DTD1: variants seen among roughly 807,000 people sequenced by gnomAD.
DTD1 encodes the protein D-aminoacyl-tRNA deacylase 1.
Under a neutral mutation model 25.6 loss-of-function variants are expected in DTD1, and 13 were observed. The observed-to-expected ratio is 0.51, with a 90% CI of 0.33 to 0.81. The LOEUF (loss-of-function observed/expected upper bound fraction) is 0.81, where lower values mean the gene tolerates loss of function less well. Ranked by LOEUF, DTD1 falls within the 30% of genes least tolerant of loss-of-function variation. The pLI is 0.02. For synonymous variants in DTD1, 110 were observed against 103.6 expected (o/e 1.06, Z -0.37); for missense variants, 193 against 266.4 (o/e 0.72, Z 1.92).
Position 18,695,938 on chromosome 20 carries a change from A to G in DTD1, c.478-48162A>G, listed in dbSNP as rs190636885. On this transcript the variant is annotated intron_variant, in intron 4 of 5. Transcript: ENST00000377452. The stretch of plus-strand genomic sequence containing the variant: ...AGAAATTCACCTGCCTCAGCCCCTC[A>G]AAGCGCTGGGATTATAGGCGTGAGC... 3.9e-3 allele frequency among the ~76,000 whole-genome samples: 586 copies of G among 152,140 alleles called. 6 individuals are homozygous for G. The highest frequency in any genetic ancestry group is 0.013 in the African/African-American group (553 of 41,534).
At chr20:18,640,051 AT>A (rs11087260) in intron 4 of DTD1, among the ~76,000 whole-genome samples, 70,126 of 145,310 alleles carry the variant, frequency 0.48, 16,803 homozygotes, top group Middle Eastern at 0.55. Flanking sequence ...TGCTCTGAGG[AT>A]TTTTTTTTTT....
intron 5 of DTD1, among the ~76,000 whole-genome samples, chr20:18,757,980 TC>T (rs2061346121): frequency 6.6e-6 from 1 of 152,254 alleles, no homozygotes; most frequent in Admixed American, 6.5e-5. Flanking sequence ...AGATTCAACT[TC>T]CTCCTGGTTT....
intron 4 of DTD1, among the ~76,000 whole-genome samples, chr20:18,736,303 C>G (rs1382693510): frequency 6.6e-6 from 1 of 152,176 alleles, no homozygotes; most frequent in African/African-American, 2.4e-5. Context: ...GTCTGATTTT[C>G]CCCTGGAGTG....
intron 5 of DTD1, among the ~76,000 whole-genome samples, chr20:18,758,558 C>A (rs184958251): frequency 8.7e-4 from 132 of 152,282 alleles, no homozygotes; most frequent in Non-Finnish European, 1.6e-3. Flanking sequence ...GCAGGTTGTT[C>A]AGTTTCCATG....
chr20:18,638,170 CCCATCCATCCATCCATCCATCCAT>C (rs55689427), intron 4 of DTD1, among the ~76,000 whole-genome samples: 74,666 of 150,432 alleles, frequency 0.5, 18,776 homozygotes, highest in Non-Finnish European at 0.53. Flanking sequence ...CCTCCATCTG[CCCATCCATCCATCCATCCATCCAT>C]CCATCCATCC....
chr20:18,680,639 C>T (rs1234454157), intron 4 of DTD1, among the ~76,000 whole-genome samples: 4 of 152,020 alleles, frequency 2.6e-5, no homozygotes, highest in African/African-American at 9.7e-5. Flanking sequence ...GAGTGTGGCT[C>T]CTGATTCCAA....
chr20:18,673,753 G>A (rs968777209), intron 4 of DTD1, among the ~76,000 whole-genome samples: 3 of 152,136 alleles, frequency 2.0e-5, no homozygotes, highest in African/African-American at 7.2e-5. Context: ...GGCCTAGAGT[G>A]TGTTTCAGCC....
chr20:18,730,183 G>C (rs1420833547), intron 4 of DTD1, among the ~76,000 whole-genome samples: 3 of 152,108 alleles, frequency 2.0e-5, no homozygotes, highest in African/African-American at 4.8e-5. Context: ...TACAGAATAT[G>C]TCATAGTTTA....
chr20:18,591,904 G>A (rs1055844804), intron 1 of DTD1, among the ~76,000 whole-genome samples: 3 of 152,098 alleles, frequency 2.0e-5, no homozygotes, highest in Non-Finnish European at 4.4e-5. Flanking sequence ...AGGACAATAA[G>A]TCACACACAC....
At position 18,594,277 on chromosome 20, in the gene DTD1, G is replaced by A. The variant is rs114030910; in HGVS notation, c.134+456G>A. On this transcript the variant is annotated intron_variant, in intron 2 of 5. Coordinates refer to ENST00000377452, the MANE Select transcript of DTD1 (RefSeq NM_080820.6). ...CACTTAGCAAAAAGCCTGAACCCCA[G>A]TTAGAGTCTGGGCTCCCTGACCTTG... Among the ~76,000 whole-genome samples, 529 of 152,270 alleles carry A rather than the reference G, an allele frequency of 3.5e-3. 1 individual carries two copies. Among genetic ancestry groups the A allele is most frequent in the African/African-American group, 0.012 (487 of 41,564 alleles).
intron 3 of DTD1, among the ~76,000 whole-genome samples, chr20:18,598,097 A>G (rs564051974): frequency 6.6e-6 from 1 of 152,274 alleles, no homozygotes; most frequent in East Asian, 1.9e-4. Flanking sequence ...TGCTGCATCC[A>G]TCCACCCGTC....
chr20:18,601,932 T>C (rs2060637015), intron 3 of DTD1, among the ~76,000 whole-genome samples: 1 of 149,326 alleles, frequency 6.7e-6, no homozygotes, highest in Non-Finnish European at 1.5e-5. Flanking sequence ...GAGAATGACT[T>C]TGACGAGCTG....
At chr20:18,629,317 T>TTTTC (rs1195448366) in intron 4 of DTD1, among the ~76,000 whole-genome samples, 1 of 145,766 alleles carries the variant, frequency 6.9e-6, no homozygotes, top group Admixed American at 6.9e-5. Flanking sequence ...TTTTTTTTTT[T>TTTTC]TGAGACAGGG....
At position 18,671,775 on chromosome 20, in the gene DTD1, C is replaced by G. The variant is rs141894802; in HGVS notation, c.477+43542C>G. ...AGCAGCCCCCTTGGTCCTCACCAGA[C>G]CTGGGCCTGGAGAGAGAAGTGAGGT... On this transcript the variant is annotated intron_variant, in intron 4 of 5. Coordinates refer to ENST00000377452, the MANE Select transcript of DTD1 (RefSeq NM_080820.6). Among the ~76,000 whole-genome samples the G allele has an allele frequency of 4.4e-3, 668 of 152,260 alleles. 6 individuals are homozygous for G. The highest frequency in any genetic ancestry group is 0.015 in the African/African-American group (643 of 41,552).
intron 4 of DTD1, among the ~76,000 whole-genome samples, chr20:18,685,896 G>T (rs2061014837): frequency 6.6e-6 from 1 of 152,200 alleles, no homozygotes; most frequent in African/African-American, 2.4e-5. Flanking sequence ...CCAAGTCATG[G>T]TTTTTCTTTT....
rs1296063535 is a variant in DTD1 at position 18,764,654 on chromosome 20, A to G, written c.*1314A>G. 6.6e-6 allele frequency: 1 copy of G among 152,198 alleles called. No individual in the cohort carries two copies. The highest frequency in any genetic ancestry group is 1.5e-5 in the Non-Finnish European group (1 of 68,040). The allele number at this position is 152,198 out of a possible 1,614,324, so 9.4% of individuals were successfully genotyped here. On this transcript the variant is annotated 3_prime_UTR_variant, in exon 6 of 6. Coordinates refer to ENST00000377452, the MANE Select transcript of DTD1 (RefSeq NM_080820.6). The stretch of plus-strand genomic sequence containing the variant: ...CATCTCTTGGAATATAGAGTTGGAA[A>G]AGGGTCTGCCAGACTGCTTTGTTCT...
intron 4 of DTD1, among the ~76,000 whole-genome samples, chr20:18,716,213 A>G (rs6081322): frequency 0.35 from 52,882 of 151,982 alleles, 9,529 homozygotes; most frequent in Non-Finnish European, 0.4. Flanking sequence ...CAGGATCTGA[A>G]CCTTTGATAT....
intron 4 of DTD1, among the ~76,000 whole-genome samples, chr20:18,741,199 T>A (rs1403953452): frequency 6.6e-6 from 1 of 152,260 alleles, no homozygotes; most frequent in Non-Finnish European, 1.5e-5. Flanking sequence ...TATTTATATA[T>A]GTGTGTATAT....
chr20:18,615,833 A>G (rs2060706907), intron 3 of DTD1, among the ~76,000 whole-genome samples: 1 of 152,014 alleles, frequency 6.6e-6, no homozygotes, highest in Non-Finnish European at 1.5e-5. Flanking sequence ...TGCTCTGTGT[A>G]CTCCATGGGA....
Sources: gnomAD v4.1 joint callset for allele counts (sites outside exome capture counted in the v4.1 genomes callset) on GRCh38, gnomAD v4.1.1 for gene constraint, MANE v1.5 for transcripts, NCBI Gene and HGNC (gene_info 2026-07-23, HGNC 2026-07-21) for gene names.